The following FAM168B variants were observed in gnomAD, a reference collection of about 807,000 sequenced individuals.
The protein encoded by FAM168B is myelin-associated neurite-outgrowth inhibitor.
In FAM168B, 19 loss-of-function variants were observed where a neutral mutation model predicts 21.8. That is an observed-to-expected ratio of 0.87 (90% CI 0.61 to 1.28). The LOEUF is 1.28. Among genes scored for constraint, FAM168B ranks in the 50% most tolerant of loss-of-function variants. The probability of loss-of-function intolerance (pLI) is 0.00; values close to 1 mark genes in which losing one functional copy is unlikely to be tolerated. For missense variants in FAM168B, 233 were observed against 263.1 expected (o/e 0.89, Z 0.79); for synonymous variants, 126 against 104.8 (o/e 1.20, Z -1.24).
Position 131,051,926 on chromosome 2 carries a change from C to T in FAM168B, c.*539G>A, listed in dbSNP as rs1691703095. ...AACAGGTCGCTGAAAACTAAAATGTCCACATCCCTAACTGGCAACCCACAT... is the reference window on the plus strand; with the variant it reads ...AACAGGTCGCTGAAAACTAAAATGTTCACATCCCTAACTGGCAACCCACAT... On this transcript the variant is annotated 3_prime_UTR_variant, in exon 7 of 7. Transcript: ENST00000389915. 2 of 985,370 alleles carry T rather than the reference C, an allele frequency of 2.0e-6. No homozygotes were observed. The highest frequency in any genetic ancestry group is 1.2e-6 in the Non-Finnish European group (1 of 829,952). The allele number at this position is 985,370 out of a possible 1,614,324, so 61.0% of individuals were successfully genotyped here.
chr2:131,062,743 C>T (rs953189209), intron 3 of FAM168B, among the ~76,000 whole-genome samples: 4 of 152,184 alleles, frequency 2.6e-5, no homozygotes, highest in African/African-American at 4.8e-5. Flanking sequence ...CCGCCGCGTC[C>T]GGCCTACCCA....
rs11293154 is a variant in FAM168B at position 131,051,483 on chromosome 2, G to GAA, written c.*980_*981dup. ...TCAGCTGATTCAAACATTTCTCCAG[G>GAA]AAAAAAAAAAAAAAAGGAATGATTT... On this transcript the variant is annotated 3_prime_UTR_variant, in exon 7 of 7. Coordinates refer to ENST00000389915, the MANE Select transcript of FAM168B (RefSeq NM_001009993.4). 43 of 926,422 alleles carry GAA rather than the reference G, an allele frequency of 4.6e-5. No individual in the cohort carries two copies. The highest frequency in any genetic ancestry group is 5.2e-5 in the Non-Finnish European group (41 of 785,246). 57.4% of individuals were successfully genotyped at this position (926,422 alleles called of 1,614,324 possible). A position where few individuals can be genotyped will look rare whatever the true frequency, so the allele number is the denominator to read the frequency against.
At chr2:131,090,922 G>A (rs1693985442) in intron 1 of FAM168B, among the ~76,000 whole-genome samples, 1 of 152,102 alleles carries the variant, frequency 6.6e-6, no homozygotes, top group South Asian at 2.1e-4. Context: ...AGTAGAGATG[G>A]GGTTTCACCA....
In FAM168B at chr2:131,049,378, T is replaced by C; in HGVS notation, c.*3087A>G. 1 of 985,432 alleles carries C rather than the reference T, an allele frequency of 1.0e-6. No individual in the cohort carries two copies. 61.0% of individuals were successfully genotyped at this position (985,432 alleles called of 1,614,324 possible). On this transcript the variant is annotated 3_prime_UTR_variant, in exon 7 of 7. Coordinates refer to ENST00000389915, the MANE Select transcript of FAM168B (RefSeq NM_001009993.4). ...TAGCACTCAAGAAGGTTTCCCAGAATAGCGACAGGTAGGCCTACAAACCAC... is the reference window on the plus strand; with the variant it reads ...TAGCACTCAAGAAGGTTTCCCAGAACAGCGACAGGTAGGCCTACAAACCAC...
intron 3 of FAM168B, among the ~76,000 whole-genome samples, chr2:131,059,151 T>C (rs899351237): frequency 6.6e-6 from 1 of 152,164 alleles, no homozygotes; most frequent in Non-Finnish European, 1.5e-5. Context: ...GGCCATGCCC[T>C]GTCACAGCGG....
intron 2 of FAM168B, among the ~76,000 whole-genome samples, chr2:131,072,530 G>A (rs184556614): frequency 1.4e-3 from 212 of 150,524 alleles, no homozygotes; most frequent in Non-Finnish European, 2.5e-3. Flanking sequence ...GCAGTGGCGC[G>A]ACCTCGGCTC....
chr2:131,088,057 G>A (rs1409596927), intron 1 of FAM168B, among the ~76,000 whole-genome samples: 2 of 152,016 alleles, frequency 1.3e-5, no homozygotes, highest in African/African-American at 4.8e-5. Context: ...ACCAGCCTGG[G>A]CAACATGGTG....
rs1368685063 is a variant in FAM168B at position 131,093,294 on chromosome 2, G to A, written c.-92C>T. 6.7e-6 allele frequency: 1 copy of A among 150,192 alleles called. No homozygotes were observed. The highest frequency in any genetic ancestry group is 2.4e-5 in the African/African-American group (1 of 41,256). 9.3% of individuals were successfully genotyped at this position (150,192 alleles called of 1,614,324 possible). A position where few individuals can be genotyped will look rare whatever the true frequency, so the allele number is the denominator to read the frequency against. On this transcript the variant is annotated 5_prime_UTR_variant, in exon 1 of 7. Coordinates refer to ENST00000389915, the MANE Select transcript of FAM168B (RefSeq NM_001009993.4). ...GCTTGGCCGTGGGGCGAAACAAGGG[G>A]GGCGTGCCGAGGAGACCTGCTACGA...
intron 1 of FAM168B, among the ~76,000 whole-genome samples, chr2:131,083,415 C>T (rs1288547023): frequency 6.6e-6 from 1 of 152,150 alleles, no homozygotes; most frequent in Non-Finnish European, 1.5e-5. Context: ...TGACGCACAC[C>T]TGTAATCCCA....
chr2:131,083,355 AAAAAC>A (rs1007579795), intron 1 of FAM168B, among the ~76,000 whole-genome samples: 2 of 152,144 alleles, frequency 1.3e-5, no homozygotes, highest in African/African-American at 2.4e-5. Context: ...TCCGTCTCAA[AAAAAC>A]AAAACAAAAC....
chr2:131,075,164 G>C (rs1351837853), intron 2 of FAM168B, among the ~76,000 whole-genome samples: 1 of 151,774 alleles, frequency 6.6e-6, no homozygotes, highest in Non-Finnish European at 1.5e-5. Context: ...GGGATGCTGA[G>C]AGACTCCTCA....
intron 3 of FAM168B, among the ~76,000 whole-genome samples, chr2:131,058,070 G>A (rs1692113483): frequency 6.6e-6 from 1 of 152,144 alleles, no homozygotes; most frequent in Non-Finnish European, 1.5e-5. Flanking sequence ...GGCCTCAAAT[G>A]ATCCTCCTGC....
chr2:131,052,222 A>G lies in FAM168B; in HGVS notation c.*243T>C. On this transcript the variant is annotated 3_prime_UTR_variant, in exon 7 of 7. Transcript: ENST00000389915. ...AATAGATTAATACTCCCTTTTTATC[A>G]TTACAGTTAGCTAAAAAATTGCCAG... 1.0e-6 allele frequency: 1 copy of G among 985,860 alleles called. No individual in the cohort carries two copies. Among genetic ancestry groups the G allele is most frequent in the South Asian group, 4.7e-5 (1 of 21,284 alleles). 61.1% of individuals were successfully genotyped at this position (985,860 alleles called of 1,614,324 possible).
At chr2:131,055,834 C>T in intron 3 of FAM168B, 139 bp from the exon 4 acceptor site, 1 of 985,466 alleles carries the variant, frequency 1.0e-6, no homozygotes, top group Non-Finnish European at 1.5e-6. Context: ...CCCCACTCTC[C>T]TCCACTAAGA....
rs1374175427 is a variant in FAM168B at position 131,072,500 on chromosome 2, CTT to C, written c.71-564_71-563del. Among the ~76,000 whole-genome samples, 169 of 151,698 alleles carry C rather than the reference CTT, an allele frequency of 1.1e-3. 1 individual carries two copies. Among genetic ancestry groups the C allele is most frequent in the African/African-American group, 3.8e-3 (157 of 41,332 alleles). The stretch of plus-strand genomic sequence containing the variant: ...TTTTGGAGGGGGACAGAGTTTCACT[CTT>C]GTTGCCCAGGCTAGAGTGCAGTGGC... On this transcript the variant is annotated intron_variant, in intron 2 of 6. Transcript: ENST00000389915.
At chr2:131,078,808 C>T (rs748017802) in intron 2 of FAM168B, among the ~76,000 whole-genome samples, 1 of 151,422 alleles carries the variant, frequency 6.6e-6, no homozygotes, top group African/African-American at 2.4e-5. Flanking sequence ...CAGTGAGACC[C>T]GATCTCTACA....
chr2:131,058,444 C>A (rs1474593903), intron 3 of FAM168B, among the ~76,000 whole-genome samples: 1 of 152,140 alleles, frequency 6.6e-6, no homozygotes, highest in African/African-American at 2.4e-5. Flanking sequence ...TGCAGCAAAG[C>A]GGGTGCTCAC....
chr2:131,082,502 A>G, intron 2 of FAM168B, 75 bp downstream of exon 2: 1 of 1,017,990 alleles, frequency 9.8e-7, no homozygotes, highest in Non-Finnish European at 1.5e-6. Context: ...TTGTCAATAG[A>G]AAGCATTCTT....
chr2:131,061,372 G>A (rs952807787), intron 3 of FAM168B, among the ~76,000 whole-genome samples: 10 of 151,210 alleles, frequency 6.6e-5, no homozygotes, highest in South Asian at 2.1e-4. Context: ...AACTGAGAGC[G>A]TGTACGCTAG....
Sources: allele counts gnomAD v4.1 joint callset (sites outside exome capture counted in the v4.1 genomes callset), GRCh38; gene constraint gnomAD v4.1.1; transcripts MANE v1.5; gene names NCBI Gene and HGNC (gene_info 2026-07-23, HGNC 2026-07-21).